The following SLC2A13 variants were observed in gnomAD, a reference collection of about 807,000 sequenced individuals.
SLC2A13 encodes proton myo-inositol cotransporter.
Under a neutral mutation model 64.4 loss-of-function variants are expected in SLC2A13, and 32 were observed. The ratio of observed to expected loss-of-function variants is 0.50; its 90% confidence interval spans 0.37 to 0.67. The LOEUF is 0.67. Ranked by LOEUF, SLC2A13 falls within the 30% of genes least tolerant of loss-of-function variation. The pLI, the probability that SLC2A13 is intolerant of heterozygous loss-of-function variation, is 0.00. For missense variants in SLC2A13, 743 were observed against 829.2 expected (o/e 0.90, Z 1.28); for synonymous variants, 338 against 327.1 (o/e 1.03, Z -0.36).
chr12:39,983,991 A>C (rs942896976), intron 3 of SLC2A13, among the ~76,000 whole-genome samples: 17 of 151,408 alleles, frequency 1.1e-4, no homozygotes, highest in Non-Finnish European at 1.9e-4. Context: ...ATGGAATACT[A>C]TGCAGCCATA....
intron 1 of SLC2A13, among the ~76,000 whole-genome samples, chr12:40,090,029 A>G (rs944716539): frequency 3.1e-4 from 47 of 152,126 alleles, no homozygotes; most frequent in African/African-American, 1.1e-3. Context: ...TCAGAGATTA[A>G]AGTTTATTTT....
intron 7 of SLC2A13, among the ~76,000 whole-genome samples, chr12:39,780,295 A>G (rs1265898550): frequency 2.6e-5 from 4 of 152,212 alleles, no homozygotes; most frequent in African/African-American, 9.6e-5. Flanking sequence ...CTCCTTCAAC[A>G]TAATCATCTT....
intron 4 of SLC2A13, among the ~76,000 whole-genome samples, chr12:39,874,483 C>T (rs1367931968): frequency 7.9e-5 from 12 of 151,806 alleles, no homozygotes; most frequent in East Asian, 1.9e-4. Flanking sequence ...GGCATGGTAG[C>T]GGGCACCTGT....
intron 4 of SLC2A13, among the ~76,000 whole-genome samples, chr12:39,935,202 C>T (rs1207524338): frequency 1.3e-5 from 2 of 151,464 alleles, no homozygotes; most frequent in Non-Finnish European, 3.0e-5. Context: ...CCTGCCTGGG[C>T]AACATAGCAA....
chr12:40,028,222 T>C (rs572662773), intron 3 of SLC2A13, 79 bp downstream of exon 3: 9 of 872,638 alleles, frequency 1.0e-5, no homozygotes, highest in East Asian at 5.3e-5. Flanking sequence ...AAATATATTA[T>C]ACACACACGC....
chr12:40,020,492 C>T (rs1369731881), intron 3 of SLC2A13, among the ~76,000 whole-genome samples: 1 of 152,172 alleles, frequency 6.6e-6, no homozygotes, highest in Non-Finnish European at 1.5e-5. Context: ...CCCAGCCATG[C>T]AGAATTGTGA....
intron 4 of SLC2A13, among the ~76,000 whole-genome samples, chr12:39,893,552 G>T (rs1441692956): frequency 6.6e-6 from 1 of 152,120 alleles, no homozygotes; most frequent in Non-Finnish European, 1.5e-5. Flanking sequence ...TGCCCGCCTT[G>T]GTCTCCCAAA....
At chr12:39,831,359 T>C (rs1566840410) in intron 6 of SLC2A13, among the ~76,000 whole-genome samples, 1 of 152,144 alleles carries the variant, frequency 6.6e-6, no homozygotes, top group East Asian at 1.9e-4. Context: ...CTGCTTATGT[T>C]GTCATTAAAG....
chr12:39,877,752 T>A (rs908804431), intron 4 of SLC2A13, among the ~76,000 whole-genome samples: 2 of 152,218 alleles, frequency 1.3e-5, no homozygotes, highest in Admixed American at 6.5e-5. Context: ...ACCACTATAT[T>A]TACAATCTTC....
chr12:39,935,109 G>T (rs1197532459), intron 4 of SLC2A13, among the ~76,000 whole-genome samples: 1 of 152,180 alleles, frequency 6.6e-6, no homozygotes, highest in African/African-American at 2.4e-5. Context: ...TAAATTTATG[G>T]CTGGGACCGG....
At chr12:39,842,989 C>T (rs1386480066) in intron 6 of SLC2A13, among the ~76,000 whole-genome samples, 1 of 151,784 alleles carries the variant, frequency 6.6e-6, no homozygotes, top group Non-Finnish European at 1.5e-5. Context: ...GGATATATCA[C>T]ACTTCATGTA....
At chr12:40,034,143 T>C (rs755640789) in intron 2 of SLC2A13, among the ~76,000 whole-genome samples, 7 of 152,090 alleles carry the variant, frequency 4.6e-5, no homozygotes, top group Admixed American at 2.0e-4. Context: ...CTACATTGTA[T>C]TTTTTAAAAA....
chr12:40,028,959 T>C (rs1947865546), intron 2 of SLC2A13, among the ~76,000 whole-genome samples: 1 of 152,246 alleles, frequency 6.6e-6, no homozygotes, highest in South Asian at 2.1e-4. Flanking sequence ...TTTATAGTTA[T>C]TTCTGACTTG....
chr12:40,040,701 T>C (rs1318701481), intron 2 of SLC2A13, among the ~76,000 whole-genome samples: 1 of 152,218 alleles, frequency 6.6e-6, no homozygotes, highest in African/African-American at 2.4e-5. Flanking sequence ...AGGTATTTAC[T>C]TGTAATGAGA....
intron 7 of SLC2A13, among the ~76,000 whole-genome samples, chr12:39,807,267 G>A (rs780860894): frequency 6.6e-6 from 1 of 152,144 alleles, no homozygotes; most frequent in Non-Finnish European, 1.5e-5. Context: ...TGTGGTAACA[G>A]AACTATATCT....
At chr12:40,003,528 C>T (rs776041995) in intron 3 of SLC2A13, among the ~76,000 whole-genome samples, 7 of 152,028 alleles carry the variant, frequency 4.6e-5, no homozygotes, top group Non-Finnish European at 1.0e-4. Flanking sequence ...TATGCTATAT[C>T]GTGGGGTAGC....
At chr12:40,047,479 A>G (rs1012410662) in intron 2 of SLC2A13, among the ~76,000 whole-genome samples, 2 of 152,228 alleles carry the variant, frequency 1.3e-5, no homozygotes, top group Non-Finnish European at 2.9e-5. Context: ...AAGCTTTAAC[A>G]TAAGATTTTG....
intron 3 of SLC2A13, among the ~76,000 whole-genome samples, chr12:40,019,153 T>C (rs1947670222): frequency 6.6e-6 from 1 of 152,092 alleles, no homozygotes; most frequent in Non-Finnish European, 1.5e-5. Context: ...ACCCAGGCAA[T>C]GGCAGCAAGA....
intron 5 of SLC2A13, among the ~76,000 whole-genome samples, chr12:39,870,369 C>T (rs10784234): frequency 0.61 from 93,348 of 151,982 alleles, 28,876 homozygotes; most frequent in East Asian, 0.76. Context: ...TTTAACACAT[C>T]ACTGCCTGAT....
Sources: gnomAD v4.1 joint callset for allele counts (sites outside exome capture counted in the v4.1 genomes callset) on GRCh38, gnomAD v4.1.1 for gene constraint, MANE v1.5 for transcripts, NCBI Gene and HGNC (gene_info 2026-07-23, HGNC 2026-07-21) for gene names.